The following RANBP2 variants were observed in gnomAD, a reference collection of about 807,000 sequenced individuals.
RANBP2 encodes the protein E3 SUMO-protein ligase RanBP2.
RANBP2 carries 57 observed loss-of-function variants against 303.6 expected under a neutral mutation model. The observed-to-expected ratio is 0.19, with a 90% CI of 0.15 to 0.23. The LOEUF is 0.23. Ranked by LOEUF, RANBP2 falls within the 10% of genes least tolerant of loss-of-function variation. The pLI is 1.00. For missense variants in RANBP2, 3,138 were observed against 3,780.8 expected (o/e 0.83, Z 4.46); for synonymous variants, 1,167 against 1,301.5 (o/e 0.90, Z 2.23).
chr2:109,740,513 G>C, the RANBP2 span, among the ~76,000 whole-genome samples: 1 of 152,170 alleles, frequency 6.6e-6, no homozygotes, highest in African/African-American at 2.4e-5. Context: ...TCCAAGAGCA[G>C]GTTACATATT....
At chr2:109,023,217 G>C in the RANBP2 span, among the ~76,000 whole-genome samples, 1 of 152,312 alleles carries the variant, frequency 6.6e-6, no homozygotes, top group African/African-American at 2.4e-5. Flanking sequence ...AACAGCGCAG[G>C]CTGCGTTAAC....
At chr2:109,037,324 A>C in the RANBP2 span, among the ~76,000 whole-genome samples, 1 of 107,300 alleles carries the variant, frequency 9.3e-6, no homozygotes, top group African/African-American at 4.7e-5. Flanking sequence ...ACCATGTCTC[A>C]AAAAAAAAAA....
At chr2:109,613,800 G>C in the RANBP2 span, 6 of 1,232,372 alleles carry the variant, frequency 4.9e-6, no homozygotes, top group African/African-American at 7.8e-5. Context: ...GGACTCACCA[G>C]GTGCCGCGCC....
the RANBP2 span, among the ~76,000 whole-genome samples, chr2:109,106,559 G>A: frequency 7.9e-5 from 12 of 152,064 alleles, no homozygotes; most frequent in Admixed American, 2.0e-4. Flanking sequence ...AATCCTGGCC[G>A]GGTGCGGTGG....
chr2:109,676,942 T>C, the RANBP2 span, among the ~76,000 whole-genome samples: 3 of 152,192 alleles, frequency 2.0e-5, no homozygotes, highest in African/African-American at 2.4e-5. Flanking sequence ...AGATTTGAAT[T>C]TGAGAAAAAA....
the RANBP2 span, among the ~76,000 whole-genome samples, chr2:109,668,962 T>G: frequency 6.6e-6 from 1 of 152,138 alleles, no homozygotes; most frequent in South Asian, 2.1e-4. Context: ...GACTTCAAAA[T>G]GTACTAGGAA....
the RANBP2 span, among the ~76,000 whole-genome samples, chr2:109,318,550 C>A: frequency 1.3e-5 from 2 of 152,200 alleles, no homozygotes; most frequent in East Asian, 3.9e-4. Context: ...GTGGTTTGTC[C>A]TTGCGGGTGT....
chr2:109,214,831 T>C, the RANBP2 span, among the ~76,000 whole-genome samples: 1 of 152,206 alleles, frequency 6.6e-6, no homozygotes, highest in South Asian at 2.1e-4. Flanking sequence ...TATTGGAGAC[T>C]GAGTTCCAAG....
chr2:108,780,307 C>T (rs1678154652), intron 25 of RANBP2, among the ~76,000 whole-genome samples: 1 of 150,278 alleles, frequency 6.7e-6, no homozygotes, highest in Non-Finnish European at 1.5e-5. Flanking sequence ...ATTCTCCTGC[C>T]TTAGCTTCCT....
At chr2:109,709,760 G>T in the RANBP2 span, among the ~76,000 whole-genome samples, 1 of 152,334 alleles carries the variant, frequency 6.6e-6, no homozygotes, top group South Asian at 2.1e-4. Flanking sequence ...TGTATAATAA[G>T]AGTGGGCAAA....
At chr2:109,047,410 C>G in the RANBP2 span, among the ~76,000 whole-genome samples, 1 of 152,208 alleles carries the variant, frequency 6.6e-6, no homozygotes, top group Admixed American at 6.5e-5. Flanking sequence ...GCACTCAGTT[C>G]CCATGCATGG....
At chr2:108,728,756 T>A (rs765453380) in intron 1 of RANBP2, among the ~76,000 whole-genome samples, 2 of 152,134 alleles carry the variant, frequency 1.3e-5, no homozygotes, top group Admixed American at 6.6e-5. Flanking sequence ...CTGATTCTCG[T>A]GCCTTAGCCT....
At chr2:109,445,131 T>C in the RANBP2 span, among the ~76,000 whole-genome samples, 2 of 152,200 alleles carry the variant, frequency 1.3e-5, no homozygotes, top group Non-Finnish European at 2.9e-5. Flanking sequence ...CAGAGGAATT[T>C]ATCCAGAATA....
At chr2:109,616,174 A>T in the RANBP2 span, 1 of 1,392,984 alleles carries the variant, frequency 7.2e-7, no homozygotes, top group Non-Finnish European at 9.3e-7. Flanking sequence ...ATGCATTCTT[A>T]CTTGAGGGAT....
intron 6 of RANBP2, 27 bp from the exon 7 acceptor site, chr2:108,740,462 T>C (rs372290404): frequency 3.8e-5 from 61 of 1,597,472 alleles, no homozygotes; most frequent in Admixed American, 8.3e-5. Flanking sequence ...AAGTGTGTAT[T>C]ATCTGTTTGA....
At chr2:109,545,337 A>G in the RANBP2 span, 9 of 1,496,084 alleles carry the variant, frequency 6.0e-6, no homozygotes, top group Non-Finnish European at 8.0e-6. Context: ...TCAAAAAGGA[A>G]AAATAAACTT....
chr2:109,733,347 C>A, the RANBP2 span, among the ~76,000 whole-genome samples: 1 of 152,110 alleles, frequency 6.6e-6, no homozygotes, highest in African/African-American at 2.4e-5. Flanking sequence ...TCTCAATTGA[C>A]ATGGAAAAAG....
chr2:109,151,644 C>T, the RANBP2 span, among the ~76,000 whole-genome samples: 2 of 152,232 alleles, frequency 1.3e-5, no homozygotes, highest in African/African-American at 2.4e-5. Context: ...TATTTCACCC[C>T]TGCAGTACAT....
At chr2:109,434,204 G>A in the RANBP2 span, among the ~76,000 whole-genome samples, 7 of 152,240 alleles carry the variant, frequency 4.6e-5, no homozygotes, top group Non-Finnish European at 8.8e-5. Flanking sequence ...GGCGCAGCCT[G>A]AGATGGCGGG....
Sources: allele counts gnomAD v4.1 joint callset (sites outside exome capture counted in the v4.1 genomes callset), GRCh38; gene constraint gnomAD v4.1.1; transcripts MANE v1.5; gene names NCBI Gene and HGNC (gene_info 2026-07-23, HGNC 2026-07-21).